Variants in SLC10A7 observed in about 807,000 individuals in gnomAD.
SLC10A7 encodes the protein sodium/bile acid cotransporter 7.
Under a neutral mutation model 43.2 loss-of-function variants are expected in SLC10A7, and 29 were observed. The ratio of observed to expected loss-of-function variants is 0.67; its 90% confidence interval spans 0.50 to 0.92. The LOEUF is 0.92. SLC10A7 is among the 40% of genes least tolerant of loss of function. The pLI is 0.00. For synonymous variants in SLC10A7, 152 were observed against 144.8 expected (o/e 1.05, Z -0.35); for missense variants, 295 against 403.2 (o/e 0.73, Z 2.30).
intron 6 of SLC10A7, among the ~76,000 whole-genome samples, chr4:146,310,158 T>C (rs1403484952): frequency 6.6e-6 from 1 of 152,182 alleles, no homozygotes; most frequent in Non-Finnish European, 1.5e-5. Context: ...ATTTTGTTCT[T>C]TTTTTGTGTC....
At chr4:146,278,249 G>A (rs1371223582) in intron 10 of SLC10A7, among the ~76,000 whole-genome samples, 6 of 152,012 alleles carry the variant, frequency 3.9e-5, no homozygotes, top group Non-Finnish European at 8.8e-5. Flanking sequence ...AGATTGTTTA[G>A]GTAACATTAT....
At chr4:146,349,111 G>A (rs1734833433) in intron 5 of SLC10A7, among the ~76,000 whole-genome samples, 1 of 152,030 alleles carries the variant, frequency 6.6e-6, no homozygotes, top group African/African-American at 2.4e-5. Flanking sequence ...GATTTTTGCT[G>A]GTTTTAGTGT....
intron 4 of SLC10A7, among the ~76,000 whole-genome samples, chr4:146,474,961 C>T (rs894142468): frequency 5.3e-5 from 8 of 152,056 alleles, no homozygotes; most frequent in Non-Finnish European, 1.0e-4. Context: ...CAGAGAATTA[C>T]CTAGAAAGGA....
rs146622908 is a variant in SLC10A7 at position 146,451,184 on chromosome 4, C to T, written c.397-8363G>A. ...AAAGGAGAAGCTAAAATAGAAAACCCGAACAGACCAACAGCGAGTAACAAG... is the reference window on the plus strand; with the variant it reads ...AAAGGAGAAGCTAAAATAGAAAACCTGAACAGACCAACAGCGAGTAACAAG... On this transcript the variant is annotated intron_variant, in intron 4 of 11. Coordinates refer to ENST00000335472, the MANE Select transcript of SLC10A7 (RefSeq NM_001029998.6). 2.4e-3 allele frequency among the ~76,000 whole-genome samples: 332 copies of T among 136,974 alleles called. 2 individuals are homozygous for T. The highest frequency in any genetic ancestry group is 8.6e-3 in the African/African-American group (312 of 36,182). The allele number at this position is 136,974 out of a possible 152,430, so 89.9% of individuals were successfully genotyped here. A position where few individuals can be genotyped will look rare whatever the true frequency, so the allele number is the denominator to read the frequency against.
intron 5 of SLC10A7, among the ~76,000 whole-genome samples, chr4:146,405,246 T>A (rs2149822493): frequency 6.6e-6 from 1 of 152,156 alleles, no homozygotes; most frequent in East Asian, 1.9e-4. Flanking sequence ...TCCATATTCA[T>A]CTTATCCATA....
chr4:146,431,120 T>G (rs1328745236), intron 5 of SLC10A7, among the ~76,000 whole-genome samples: 1 of 152,176 alleles, frequency 6.6e-6, no homozygotes, highest in Non-Finnish European at 1.5e-5. Context: ...ATTTCACATT[T>G]TGAATAAACA....
At chr4:146,392,470 T>C (rs909283774) in intron 5 of SLC10A7, among the ~76,000 whole-genome samples, 1 of 152,204 alleles carries the variant, frequency 6.6e-6, no homozygotes, top group Admixed American at 6.5e-5. Context: ...TATGTGCATG[T>C]ATATATTTTT....
chr4:146,437,147 G>A (rs547262791), intron 5 of SLC10A7, among the ~76,000 whole-genome samples: 1 of 152,142 alleles, frequency 6.6e-6, no homozygotes, highest in African/African-American at 2.4e-5. Context: ...TATGTGTGTT[G>A]ATTTTCTATC....
chr4:146,288,011 A>T (rs1167203633), intron 9 of SLC10A7, among the ~76,000 whole-genome samples: 1 of 152,190 alleles, frequency 6.6e-6, no homozygotes, highest in Admixed American at 6.5e-5. Context: ...GGATATTTGC[A>T]AGATACGCTT....
At chr4:146,285,477 T>C (rs1729834355) in intron 9 of SLC10A7, among the ~76,000 whole-genome samples, 1 of 152,208 alleles carries the variant, frequency 6.6e-6, no homozygotes, top group African/African-American at 2.4e-5. Context: ...CTTTTTCTCA[T>C]ATGTAGAATG....
intron 10 of SLC10A7, among the ~76,000 whole-genome samples, chr4:146,263,939 C>T (rs1374212348): frequency 2.6e-5 from 4 of 152,266 alleles, no homozygotes; most frequent in African/African-American, 9.6e-5. Flanking sequence ...CAGCACATTA[C>T]TACCTGATCC....
chr4:146,309,957 C>G (rs747376838), intron 6 of SLC10A7, among the ~76,000 whole-genome samples: 3 of 152,084 alleles, frequency 2.0e-5, no homozygotes, highest in Admixed American at 6.5e-5. Context: ...AGGTTTTCAA[C>G]CCTTGTCCCC....
chr4:146,342,674 T>C (rs749869371), intron 5 of SLC10A7, among the ~76,000 whole-genome samples: 15 of 151,802 alleles, frequency 9.9e-5, no homozygotes, highest in Admixed American at 3.9e-4. Context: ...GAGCATTCTA[T>C]TTATAATACT....
At chr4:146,497,919 GAA>G (rs879889423) in intron 4 of SLC10A7, among the ~76,000 whole-genome samples, 1 of 146,242 alleles carries the variant, frequency 6.8e-6, no homozygotes, top group Admixed American at 6.8e-5. Context: ...CTTTTGGAGG[GAA>G]AAAAAAAATC....
At chr4:146,442,683 T>G (rs1401425621) in intron 5 of SLC10A7, 100 bp downstream of exon 5, 2 of 1,538,142 alleles carry the variant, frequency 1.3e-6, no homozygotes, top group Non-Finnish European at 8.7e-7. Context: ...ATTTTTATAC[T>G]TAACCAAAGA....
At chr4:146,417,116 C>G (rs1358816431) in intron 5 of SLC10A7, among the ~76,000 whole-genome samples, 2 of 152,180 alleles carry the variant, frequency 1.3e-5, no homozygotes, top group African/African-American at 2.4e-5. Context: ...GTAAGGTCCA[C>G]AAGTGTTATC....
intron 5 of SLC10A7, among the ~76,000 whole-genome samples, chr4:146,418,610 T>C (rs946996836): frequency 6.6e-6 from 1 of 152,154 alleles, no homozygotes; most frequent in Non-Finnish European, 1.5e-5. Context: ...AATTTACCTG[T>C]GACATGTGAA....
chr4:146,282,905 C>A (rs1032945264), intron 10 of SLC10A7, among the ~76,000 whole-genome samples: 16 of 152,110 alleles, frequency 1.1e-4, no homozygotes, highest in African/African-American at 3.9e-4. Context: ...AGCATCTCCA[C>A]CCCTGCTCTA....
intron 3 of SLC10A7, among the ~76,000 whole-genome samples, chr4:146,509,712 G>A (rs1737273344): frequency 6.6e-6 from 1 of 152,120 alleles, no homozygotes; most frequent in African/African-American, 2.4e-5. Flanking sequence ...TGAAGCATGA[G>A]GGTGTATCTT....
Sources: allele counts gnomAD v4.1 joint callset (sites outside exome capture counted in the v4.1 genomes callset), GRCh38; gene constraint gnomAD v4.1.1; transcripts MANE v1.5; gene names NCBI Gene and HGNC (gene_info 2026-07-23, HGNC 2026-07-21).